The following MTAP variants were observed in gnomAD, a reference collection of about 807,000 sequenced individuals.
MTAP encodes S-methyl-5'-thioadenosine phosphorylase.
Under a neutral mutation model 33.6 loss-of-function variants are expected in MTAP, and 33 were observed. That is an observed-to-expected ratio of 0.98 (90% CI 0.74 to 1.31). The LOEUF (loss-of-function observed/expected upper bound fraction) is 1.31. Ranked by LOEUF, MTAP falls within the 40% of genes most tolerant of loss-of-function variation. The pLI, the probability that MTAP is intolerant of heterozygous loss-of-function variation, is 0.00. For synonymous variants in MTAP, 148 were observed against 125.7 expected, an observed-to-expected ratio of 1.18 and a Z score of -1.19; for missense variants, 367 against 360.0, an observed-to-expected ratio of 1.02 and a Z score of -0.16.
chr9:21,871,534 C>CTTG (rs1477665335), downstream of MTAP, among the ~76,000 whole-genome samples: 2 of 152,128 alleles, frequency 1.3e-5, no homozygotes, highest in Non-Finnish European at 2.9e-5. Flanking sequence ...TTATTTCTAC[C>CTTG]TTGTTTACTT....
intron 4 of MTAP, among the ~76,000 whole-genome samples, chr9:21,827,504 C>T (rs1176705602): frequency 6.6e-6 from 1 of 152,212 alleles, no homozygotes; most frequent in East Asian, 1.9e-4. Flanking sequence ...TGAATATCAG[C>T]AGTTTCATGT....
At chr9:21,821,663 T>A (rs1824643468) in intron 4 of MTAP, among the ~76,000 whole-genome samples, 1 of 152,208 alleles carries the variant, frequency 6.6e-6, no homozygotes, top group Non-Finnish European at 1.5e-5. Flanking sequence ...GAGGATTCCC[T>A]CTTTTTTTAT....
At chr9:21,937,323 G>A (rs950865105) in exon 8 of MTAP, 1 of 151,862 alleles carries the variant, frequency 6.6e-6, no homozygotes, top group Non-Finnish European at 1.5e-5. Flanking sequence ...TGGCGACACA[G>A]TGAGACTCCA....
At chr9:21,829,191 C>A (rs1824901506) in intron 4 of MTAP, among the ~76,000 whole-genome samples, 1 of 152,240 alleles carries the variant, frequency 6.6e-6, no homozygotes, top group South Asian at 2.1e-4. Flanking sequence ...CTGGGGTTTC[C>A]CAGAGTCATA....
chr9:21,873,524 C>T (rs551007443), intron 1 of MTAP, among the ~76,000 whole-genome samples: 7 of 152,118 alleles, frequency 4.6e-5, no homozygotes, highest in South Asian at 2.1e-4. Flanking sequence ...TGTGAGAACA[C>T]GTCTAGAAGG....
At chr9:21,895,412 A>T (rs981680523) in intron 1 of MTAP, among the ~76,000 whole-genome samples, 1 of 152,228 alleles carries the variant, frequency 6.6e-6, no homozygotes, top group Non-Finnish European at 1.5e-5. Flanking sequence ...AGCATGAGCA[A>T]TGCAGAAGAC....
rs11358276 is a variant in MTAP at position 21,863,622 on chromosome 9, CAAA to C, written c.*1620_*1622del. ...TGGGCAACAGAGTAAGACTCAGTCT[CAAA>C]AAAAAAAAAAAGAGTGAAATGCTTT... On this transcript the variant is annotated 3_prime_UTR_variant, in exon 8 of 8. Coordinates refer to ENST00000644715, the MANE Select transcript of MTAP (RefSeq NM_002451.4). 93 of 883,360 alleles carry C rather than the reference CAAA, an allele frequency of 1.1e-4. No individual in the cohort carries two copies. Among genetic ancestry groups the C allele is most frequent in the East Asian group, 4.9e-4 (4 of 8,090 alleles). 54.7% of individuals were successfully genotyped at this position (883,360 alleles called of 1,614,324 possible). A position where few individuals can be genotyped will look rare whatever the true frequency, so the allele number is the denominator to read the frequency against.
In MTAP at chr9:21,864,900, C is replaced by T; in HGVS notation, c.*2886C>T. 1 of 985,464 alleles carries T rather than the reference C, an allele frequency of 1.0e-6. No individual in the cohort carries two copies. Among genetic ancestry groups the T allele is most frequent in the South Asian group, 4.7e-5 (1 of 21,288 alleles). The allele number at this position is 985,464 out of a possible 1,614,324, so 61.0% of individuals were successfully genotyped here. ...TTGTGGCCCCACCAACACCTATTTT[C>T]CAAATAATTATTCATTCTTGTGACA... On this transcript the variant is annotated 3_prime_UTR_variant, in exon 8 of 8. Coordinates refer to ENST00000644715, the MANE Select transcript of MTAP (RefSeq NM_002451.4).
downstream of MTAP, among the ~76,000 whole-genome samples, chr9:21,870,615 A>C (rs935811622): frequency 3.9e-5 from 6 of 152,006 alleles, no homozygotes; most frequent in African/African-American, 1.4e-4. Flanking sequence ...AAAGTAAAAA[A>C]CAGTTGAAAT....
At chr9:21,857,960 G>A (rs1458276385) in intron 6 of MTAP, among the ~76,000 whole-genome samples, 1 of 152,112 alleles carries the variant, frequency 6.6e-6, no homozygotes, top group Non-Finnish European at 1.5e-5. Flanking sequence ...TTGGTAGCTA[G>A]ATTTAGAAAT....
chr9:21,824,157 C>T (rs1226323847), intron 4 of MTAP, among the ~76,000 whole-genome samples: 2 of 152,204 alleles, frequency 1.3e-5, no homozygotes, highest in Non-Finnish European at 2.9e-5. Flanking sequence ...AGCTGTGTTC[C>T]TTTGGAGGGG....
intron 4 of MTAP, among the ~76,000 whole-genome samples, chr9:21,826,834 G>A (rs1365468272): frequency 6.6e-6 from 1 of 151,994 alleles, no homozygotes; most frequent in Admixed American, 6.5e-5. Context: ...ACAGAAGAAG[G>A]TGAGCCGTGG....
chr9:21,865,016 A>G lies in MTAP; in HGVS notation c.*3002A>G, dbSNP rs1825828881. On this transcript the variant is annotated 3_prime_UTR_variant, in exon 8 of 8. Transcript: ENST00000644715. ...TTGATAAGGTTTCAAGGAGTATCTG[A>G]TGGGTTAGGAAGTCACGAAATGAGG... The G allele has an allele frequency of 2.0e-6, 2 of 985,328 alleles. No individual in the cohort carries two copies. The highest frequency in any genetic ancestry group is 2.4e-6 in the Non-Finnish European group (2 of 829,950). The allele number at this position is 985,328 out of a possible 1,614,324, so 61.0% of individuals were successfully genotyped here. A position where few individuals can be genotyped will look rare whatever the true frequency, so the allele number is the denominator to read the frequency against.
At chr9:21,900,732 C>T (rs1222309965) in intron 1 of MTAP, among the ~76,000 whole-genome samples, 4 of 152,214 alleles carry the variant, frequency 2.6e-5, no homozygotes, top group Non-Finnish European at 5.9e-5. Context: ...TTCATCACAG[C>T]ACTATTCACA....
chr9:21,906,265 A>T (rs924794509), intron 1 of MTAP, among the ~76,000 whole-genome samples: 1 of 152,224 alleles, frequency 6.6e-6, no homozygotes, highest in African/African-American at 2.4e-5. Flanking sequence ...GGAAATGAAA[A>T]CGGGATAAAA....
At chr9:21,818,533 G>T (rs1303282768) in intron 4 of MTAP, among the ~76,000 whole-genome samples, 1 of 151,930 alleles carries the variant, frequency 6.6e-6, no homozygotes, top group African/African-American at 2.4e-5. Flanking sequence ...TCGTCATATT[G>T]GTCAGGCTGG....
intron 4 of MTAP, 62 bp from the exon 5 acceptor site, chr9:21,837,846 G>T: frequency 7.2e-7 from 1 of 1,388,134 alleles, no homozygotes; most frequent in South Asian, 1.2e-5. Context: ...ACCAGCCCTC[G>T]GAGGATGGAA....
rs112773782 is a variant in MTAP at position 21,877,177 on chromosome 9, TAGG to T, written c.147+22309_147+22311del. ...TCTCTGCTTGACTGTCATTGGTGTA[TAGG>T]AATGCTAGTAATTTTTGTACATTGA... On this transcript the variant is annotated intron_variant, in intron 1 of 1. Transcript: ENST00000577563. 1.1e-3 allele frequency among the ~76,000 whole-genome samples: 164 copies of T among 152,262 alleles called. 2 individuals carry two copies. Among genetic ancestry groups the T allele is most frequent in the African/African-American group, 3.9e-3 (161 of 41,552 alleles).
At chr9:21,822,779 A>G (rs185314316) in intron 4 of MTAP, among the ~76,000 whole-genome samples, 2 of 151,938 alleles carry the variant, frequency 1.3e-5, no homozygotes, top group Admixed American at 1.3e-4. Flanking sequence ...CTCTTTGTAG[A>G]TCTCTAAGGA....
Sources: allele counts gnomAD v4.1 joint callset (sites outside exome capture counted in the v4.1 genomes callset), GRCh38; gene constraint gnomAD v4.1.1; transcripts MANE v1.5; gene names NCBI Gene and HGNC (gene_info 2026-07-23, HGNC 2026-07-21).